The following CEP295 variants were observed in gnomAD, a reference collection of about 807,000 sequenced individuals.
The protein encoded by CEP295 is centrosomal protein 295.
Under a neutral mutation model 291.6 loss-of-function variants are expected in CEP295, and 190 were observed. That is an observed-to-expected ratio of 0.65 (90% CI 0.58 to 0.73). The LOEUF (loss-of-function observed/expected upper bound fraction) is 0.73, where lower values mean the gene tolerates loss of function less well. Ranked by LOEUF, CEP295 falls within the 30% of genes least tolerant of loss-of-function variation. The pLI, the probability that CEP295 is intolerant of heterozygous loss-of-function variation, is 0.00. For missense variants in CEP295, 2,863 were observed against 2,949.4 expected (o/e 0.97, Z 0.68); for synonymous variants, 993 against 1,038.8 (o/e 0.96, Z 0.85).
chr11:93,701,271 G>A (rs1952139920), intron 15 of CEP295, among the ~76,000 whole-genome samples: 1 of 152,076 alleles, frequency 6.6e-6, no homozygotes, highest in Admixed American at 6.6e-5. Context: ...AGGCTTAGGT[G>A]GGAGGATGAC....
At position 93,699,773 on chromosome 11, in the gene CEP295, C is replaced by T; in HGVS notation, c.4861C>T (p.Gln1621Ter). The stretch of plus-strand genomic sequence containing the variant: ...AGTGATGTATTCTTATGAGAAACCC[C>T]AGGAAGAACTGTCTTTAAACAAACA... ...REVMYSYEKP[Q>*]EELSLNKQRK... is the part of the protein sequence containing the mutation. The change falls in exon 15 of 30, where the codon CAG (glutamine) becomes TAG (stop). Residue 1621 changes from glutamine (Q) to a stop codon, truncating the protein, a stop_gained. Coordinates refer to ENST00000325212, the MANE Select transcript of CEP295 (RefSeq NM_033395.2). LOFTEE classifies it high-confidence loss of function. The T allele has an allele frequency of 1.3e-6, 2 of 1,552,066 alleles. No homozygotes were observed. Among genetic ancestry groups the T allele is most frequent in the Non-Finnish European group, 8.7e-7 (1 of 1,147,070 alleles).
chr11:93,673,036 A>AT (rs1950524336), intron 5 of CEP295, among the ~76,000 whole-genome samples: 1 of 152,128 alleles, frequency 6.6e-6, no homozygotes, highest in South Asian at 2.1e-4. Context: ...CCTATGGTTT[A>AT]TTTTTTCAAG....
intron 18 of CEP295, among the ~76,000 whole-genome samples, chr11:93,709,956 ATAG>A (rs1952788089): frequency 2.6e-5 from 4 of 152,196 alleles, no homozygotes; most frequent in Non-Finnish European, 4.4e-5. Context: ...CTTTTGGCAT[ATAG>A]AAATGCTACT....
intron 10 of CEP295, among the ~76,000 whole-genome samples, chr11:93,691,178 GCAT>G (rs1951531849): frequency 6.6e-6 from 1 of 150,966 alleles, no homozygotes; most frequent in African/African-American, 2.5e-5. Context: ...GGTATCCCCA[GCAT>G]CTGCCACATA....
chr11:93,675,522 A>G (rs1480010133), intron 5 of CEP295, 49 bp from the exon 6 acceptor site: 6 of 996,744 alleles, frequency 6.0e-6, no homozygotes. Flanking sequence ...ATTCAGCTTT[A>G]AGTGAAAATT....
chr11:93,666,058 G>A (rs557835209), intron 1 of CEP295, among the ~76,000 whole-genome samples: 1 of 152,256 alleles, frequency 6.6e-6, no homozygotes, highest in East Asian at 1.9e-4. Context: ...GTAAACTCTG[G>A]AAATGCTAAC....
chr11:93,695,455 A>T, intron 12 of CEP295, 42 bp from the exon 13 acceptor site: 4 of 1,285,322 alleles, frequency 3.1e-6, no homozygotes, highest in Non-Finnish European at 3.1e-6. Flanking sequence ...TTGCCTTTGT[A>T]TGAGTTTGTT....
intron 5 of CEP295, among the ~76,000 whole-genome samples, chr11:93,670,421 A>AT (rs1334177476): frequency 6.6e-6 from 1 of 152,086 alleles, no homozygotes; most frequent in Admixed American, 6.6e-5. Context: ...TAAAGCAGAA[A>AT]TTTTTTAAAA....
chr11:93,666,656 A>G (rs1950219961), intron 1 of CEP295, 26 bp from the exon 2 acceptor site: 2 of 847,126 alleles, frequency 2.4e-6, no homozygotes, highest in South Asian at 1.7e-5. Context: ...CATTATTTTT[A>G]TAGACATTTT....
chr11:93,716,554 C>G (rs1265647912), intron 18 of CEP295, among the ~76,000 whole-genome samples: 1 of 152,156 alleles, frequency 6.6e-6, no homozygotes, highest in East Asian at 1.9e-4. Context: ...AGGAGGGTAT[C>G]TTTATTATTG....
At chr11:93,704,348 A>G (rs1056530498) in intron 17 of CEP295, among the ~76,000 whole-genome samples, 1 of 152,142 alleles carries the variant, frequency 6.6e-6, no homozygotes, top group Non-Finnish European at 1.5e-5. Flanking sequence ...GAGGTATGCC[A>G]GGTGCAATGA....
chr11:93,683,555 G>A lies in CEP295; in HGVS notation c.766-4G>A. 6.7e-7 allele frequency: 1 copy of A among 1,493,682 alleles called. No homozygotes were observed. 92.5% of individuals were successfully genotyped at this position (1,493,682 alleles called of 1,614,324 possible). A position where few individuals can be genotyped will look rare whatever the true frequency, so the allele number is the denominator to read the frequency against. The stretch of plus-strand genomic sequence containing the variant: ...GTTTTTGTTAATTCTCTTTATTCTT[G>A]AAGAATCAGGAGAAACTAATGAAAG... On this transcript the variant is annotated splice_region_variant and splice_polypyrimidine_tract_variant and intron_variant, in intron 7 of 29. Transcript: ENST00000325212.
At chr11:93,728,949 C>T (rs1472562126) in intron 25 of CEP295, 128 bp downstream of exon 25, 46 of 732,280 alleles carry the variant, frequency 6.3e-5, no homozygotes, top group Non-Finnish European at 9.6e-5. Context: ...GACACCCCCA[C>T]CAGCTCTCAA....
Position 93,684,096 on chromosome 11 carries a change from C to A in CEP295, c.1082C>A (p.Thr361Lys), listed in dbSNP as rs1272937735. 1 of 1,551,296 alleles carries A rather than the reference C, an allele frequency of 6.4e-7. No homozygotes were observed. Among genetic ancestry groups the A allele is most frequent in the Non-Finnish European group, 8.7e-7 (1 of 1,146,942 alleles). ...GGTGCAGCTGAAGACCTTCCAGTGA[C>A]AGAAGCTGAAATATGTTCTAGTGAA... is the stretch of plus-strand genomic sequence containing the variant. ...NLGAAEDLPV[T>K]EAEICSSETD... The change falls in exon 9 of 30, where the codon ACA becomes AAA. Residue 361 changes from threonine (T) to lysine (K), a missense_variant. Transcript: ENST00000325212.
chr11:93,681,744 G>T (rs1436188367), intron 7 of CEP295, among the ~76,000 whole-genome samples: 3 of 151,724 alleles, frequency 2.0e-5, no homozygotes, highest in African/African-American at 7.3e-5. Flanking sequence ...TAGAGACGGG[G>T]TTTCACCATG....
chr11:93,707,127 T>G (rs1401142388), intron 18 of CEP295, among the ~76,000 whole-genome samples: 1 of 150,878 alleles, frequency 6.6e-6, no homozygotes, highest in East Asian at 1.9e-4. Context: ...AGGTAGGAGT[T>G]TTATACAATT....
At position 93,698,058 on chromosome 11, in the gene CEP295, A is replaced by T; in HGVS notation, c.3146A>T (p.Gln1049Leu). 1 of 1,551,906 alleles carries T rather than the reference A, an allele frequency of 6.4e-7. No homozygotes were observed. Among genetic ancestry groups the T allele is most frequent in the Admixed American group, 2.0e-5 (1 of 51,008 alleles). ...SQDGSLSFLQ[Q>L]FLPLHDSLKL... ...GATGGGTCTTTGAGTTTCCTACAGC[A>T]GTTCCTACCTCTACATGATAGTTTG... Residue 1049 changes from glutamine to leucine, a missense_variant, in exon 15 of 30, where the codon CAG becomes CTG. Coordinates refer to ENST00000325212, the MANE Select transcript of CEP295 (RefSeq NM_033395.2).
intron 18 of CEP295, among the ~76,000 whole-genome samples, chr11:93,720,160 C>T (rs1953590648): frequency 6.6e-6 from 1 of 150,968 alleles, no homozygotes; most frequent in Non-Finnish European, 1.5e-5. Context: ...CAGTTCAAGA[C>T]CAGTCTGGGA....
chr11:93,714,651 C>T (rs1190235121), intron 18 of CEP295, among the ~76,000 whole-genome samples: 1 of 152,206 alleles, frequency 6.6e-6, no homozygotes, highest in African/African-American at 2.4e-5. Flanking sequence ...GTGTTGTGAT[C>T]TAAGTTTTTG....
Sources: gnomAD v4.1 joint callset for allele counts (sites outside exome capture counted in the v4.1 genomes callset) on GRCh38, gnomAD v4.1.1 for gene constraint, MANE v1.5 for transcripts, NCBI Gene and HGNC (gene_info 2026-07-23, HGNC 2026-07-21) for gene names.